Variants in EPAS1 observed in about 807,000 individuals in gnomAD.
The protein encoded by EPAS1 is endothelial PAS domain-containing protein 1.
In EPAS1, 23 loss-of-function variants were observed where a neutral mutation model predicts 87.9. The ratio of observed to expected loss-of-function variants is 0.26; its 90% CI spans 0.19 to 0.37. The LOEUF (loss-of-function observed/expected upper bound fraction) is 0.37. Ranked by LOEUF, EPAS1 falls within the 10% of genes least tolerant of loss-of-function variation. The pLI is 1.00. For synonymous variants in EPAS1, 508 were observed against 444.3 expected (o/e 1.14, Z -1.80); for missense variants, 1,138 against 1,120.7 (o/e 1.02, Z -0.22).
At chr2:46,351,930 G>A (rs545012331) in intron 2 of EPAS1, among the ~76,000 whole-genome samples, 1 of 152,222 alleles carries the variant, frequency 6.6e-6, no homozygotes, top group South Asian at 2.1e-4. Flanking sequence ...GGGCGGTGCT[G>A]CCTGAAGGAA....
chr2:46,366,096 C>A (rs1446321678), intron 6 of EPAS1, among the ~76,000 whole-genome samples: 2 of 152,184 alleles, frequency 1.3e-5, no homozygotes, highest in African/African-American at 4.8e-5. Context: ...TGACTCCAGG[C>A]GGTGGCATCT....
intron 6 of EPAS1, 142 bp downstream of exon 6, chr2:46,361,232 T>A (rs577567946): frequency 8.6e-6 from 8 of 929,670 alleles, no homozygotes; most frequent in East Asian, 7.9e-5. Context: ...TGCCACTGTT[T>A]CATTGCATCA....
chr2:46,363,500 G>C (rs1254991935), intron 6 of EPAS1, among the ~76,000 whole-genome samples: 1 of 152,088 alleles, frequency 6.6e-6, no homozygotes, highest in Non-Finnish European at 1.5e-5. Context: ...TCATTATCTT[G>C]GTTTAAATGA....
chr2:46,360,717 C>T lies in EPAS1; in HGVS notation c.534C>T (p.Asn178=), dbSNP rs761418476. 3 of 1,614,056 alleles carry T rather than the reference C, an allele frequency of 1.9e-6. No homozygotes were observed. Among genetic ancestry groups the T allele is most frequent in the Non-Finnish European group, 2.5e-6 (3 of 1,180,032 alleles). Residue 178 remains asparagine, a synonymous_variant, in exon 5 of 16, where the codon AAC becomes AAT. Transcript: ENST00000263734. The surrounding 1 kb of genome is among the most constrained non-coding windows in gnomAD (Gnocchi z 4.5). ...FFMRMKCTVT[N]RGRTVNLKSA... Reference sequence around the variant, plus strand: ...TGAGGATGAAGTGCACGGTCACCAACAGAGGCCGTACTGTCAACCTCAAGT... The same window carrying T: ...TGAGGATGAAGTGCACGGTCACCAATAGAGGCCGTACTGTCAACCTCAAGT...
chr2:46,301,893 T>C (rs1683007937), intron 1 of EPAS1, among the ~76,000 whole-genome samples: 1 of 151,156 alleles, frequency 6.6e-6, no homozygotes, highest in African/African-American at 2.4e-5. Flanking sequence ...TTGAGAAGTA[T>C]GAATTCATTG....
chr2:46,298,131 C>T (rs1682924064), intron 1 of EPAS1, among the ~76,000 whole-genome samples, 194 bp downstream of exon 1: 1 of 152,120 alleles, frequency 6.6e-6, no homozygotes, highest in Non-Finnish European at 1.5e-5. Context: ...GCAGTGGAGA[C>T]TTCTGCGGCT....
chr2:46,362,925 G>A (rs1367112111), intron 6 of EPAS1, among the ~76,000 whole-genome samples: 2 of 141,560 alleles, frequency 1.4e-5, no homozygotes, highest in African/African-American at 5.3e-5. Flanking sequence ...CTGGAACTTC[G>A]ACACAGTCAC....
chr2:46,304,650 C>A (rs1052072318), intron 1 of EPAS1, among the ~76,000 whole-genome samples: 3 of 152,166 alleles, frequency 2.0e-5, no homozygotes, highest in African/African-American at 7.2e-5. Context: ...AGAGGTGGTT[C>A]TCTCCTGCCC....
intron 1 of EPAS1, among the ~76,000 whole-genome samples, chr2:46,333,050 A>G (rs571406626): frequency 1.3e-5 from 2 of 152,294 alleles, no homozygotes; most frequent in African/African-American, 2.4e-5. Context: ...TCTGTGTGAA[A>G]ACATCCTTAG....
intron 2 of EPAS1, among the ~76,000 whole-genome samples, chr2:46,349,261 G>C (rs188422086): frequency 6.6e-6 from 1 of 152,268 alleles, no homozygotes; most frequent in East Asian, 1.9e-4. Flanking sequence ...GCAGGGCTTC[G>C]TTTTGCATGC....
In EPAS1 at chr2:46,381,379, C is replaced by G. The variant is rs540452705; in HGVS notation, c.2046-217C>G. 3 of 668,956 alleles carry G rather than the reference C, an allele frequency of 4.5e-6. No homozygotes were observed. In the South Asian group the frequency reaches 5.3e-5, roughly 12 times the overall value. The allele number at this position is 668,956 out of a possible 1,614,324, so 41.4% of individuals were successfully genotyped here. On this transcript the variant is annotated intron_variant, in intron 12 of 15. Coordinates refer to ENST00000263734, the MANE Select transcript of EPAS1 (RefSeq NM_001430.5). ...CCAGCCAGGCAGCCATCCCCCAGAC[C>G]AGGAGGCTTGAGCCCTTCAGCATCT...
Position 46,381,335 on chromosome 2 carries a change from T to G in EPAS1, c.2046-261T>G, listed in dbSNP as rs1684886447. ...GGAGAGACATGGGCAGAAGAAACCC[T>G]CCTAAGGACTAACATTGCCCAGCCA... On this transcript the variant is annotated intron_variant, in intron 12 of 15. Transcript: ENST00000263734. 9.3e-6 allele frequency: 5 copies of G among 538,578 alleles called. No homozygotes were observed. The South Asian group carries it at 9.9e-5, about 11-fold the overall frequency. The allele number at this position is 538,578 out of a possible 1,614,324, so 33.4% of individuals were successfully genotyped here.
At chr2:46,303,757 C>T (rs369536857) in intron 1 of EPAS1, among the ~76,000 whole-genome samples, 7 of 152,210 alleles carry the variant, frequency 4.6e-5, no homozygotes, top group African/African-American at 1.4e-4. Flanking sequence ...ATGGAAAAGG[C>T]AAGCCCTTGC....
chr2:46,361,200 C>A (rs868143592), intron 6 of EPAS1, 110 bp downstream of exon 6: 1 of 1,230,416 alleles, frequency 8.1e-7, no homozygotes, highest in Non-Finnish European at 1.2e-6. Flanking sequence ...GTGGTATTGC[C>A]GGGTGCATGT....
chr2:46,332,449 A>T (rs1052682393), intron 1 of EPAS1, among the ~76,000 whole-genome samples: 4 of 152,082 alleles, frequency 2.6e-5, no homozygotes, highest in African/African-American at 9.7e-5. Flanking sequence ...GAGATTCGCC[A>T]TTAGCAGGCT....
intron 1 of EPAS1, among the ~76,000 whole-genome samples, chr2:46,298,890 C>T (rs990637024): frequency 3.3e-5 from 5 of 152,244 alleles, no homozygotes; most frequent in African/African-American, 1.2e-4. Context: ...GGCTCGCCGC[C>T]TGTCCCCTTT....
Position 46,380,221 on chromosome 2 carries a change from C to T in EPAS1, c.1555-6C>T, listed in dbSNP as rs750230389. 1 of 1,609,328 alleles carries T rather than the reference C, an allele frequency of 6.2e-7. No homozygotes were observed. Among genetic ancestry groups the T allele is most frequent in the South Asian group, 1.1e-5 (1 of 91,086 alleles). ...TTGCCTCTTTGCCGGTGCTGTCTCC[C>T]CTCAGACGGATTTCAATGAGCTGGA... On this transcript the variant is annotated splice_region_variant and splice_polypyrimidine_tract_variant and intron_variant, in intron 11 of 15. Transcript: ENST00000263734. This position sits in a 1 kb window ranked among gnomAD's most constrained non-coding sequence, Gnocchi z 4.4.
At position 46,318,981 on chromosome 2, in the gene EPAS1, T is replaced by A. The variant is rs140486976; in HGVS notation, c.26+21044T>A. On this transcript the variant is annotated intron_variant, in intron 1 of 15. Transcript: ENST00000263734. ...CCCTTATTCATTGACATGTCCAGGCTCAGAAAACAAGCTATAACCAGCCCA... is the reference window on the plus strand; with the variant it reads ...CCCTTATTCATTGACATGTCCAGGCACAGAAAACAAGCTATAACCAGCCCA... 3.3e-3 allele frequency among the ~76,000 whole-genome samples: 501 copies of A among 152,298 alleles called. 1 individual carries two copies. Among genetic ancestry groups the A allele is most frequent in the Non-Finnish European group, 5.5e-3 (375 of 68,024 alleles).
At chr2:46,363,343 A>G (rs934058757) in intron 6 of EPAS1, among the ~76,000 whole-genome samples, 1 of 152,222 alleles carries the variant, frequency 6.6e-6, no homozygotes, top group Non-Finnish European at 1.5e-5. Flanking sequence ...ACATAACTCC[A>G]TAAGCACTGG....
Sources: allele counts gnomAD v4.1 joint callset (sites outside exome capture counted in the v4.1 genomes callset), GRCh38; gene constraint gnomAD v4.1.1; non-coding constraint Gnocchi (gnomAD v3.1); transcripts MANE v1.5; gene names NCBI Gene and HGNC (gene_info 2026-07-23, HGNC 2026-07-21).